Variants in ESYT2 observed in about 807,000 individuals in gnomAD.
ESYT2 encodes the protein extended synaptotagmin 2, also known as extended synaptotagmin-2.
Under a neutral mutation model 107.2 loss-of-function variants are expected in ESYT2, and 54 were observed. That is an observed-to-expected ratio of 0.50 (90% confidence interval 0.40 to 0.63). The LOEUF (loss-of-function observed/expected upper bound fraction) is 0.63. ESYT2 is among the 30% of genes least tolerant of loss of function. ESYT2 has a pLI of 0.00. For missense variants in ESYT2, 1,020 were observed against 1,094.5 expected, an observed-to-expected ratio of 0.93 and a Z score of 0.96; for synonymous variants, 491 against 434.1, an observed-to-expected ratio of 1.13 and a Z score of -1.63.
At chr7:158,775,827 T>C (rs1192076694) in intron 6 of ESYT2, among the ~76,000 whole-genome samples, 1 of 152,224 alleles carries the variant, frequency 6.6e-6, no homozygotes, top group Non-Finnish European at 1.5e-5. Context: ...TGGTGAATCC[T>C]TTCCGGAGGT....
intron 1 of ESYT2, among the ~76,000 whole-genome samples, chr7:158,825,030 T>C (rs560044587): frequency 1.0e-3 from 155 of 152,282 alleles, no homozygotes; most frequent in African/African-American, 3.2e-3. Context: ...CGGTGGTTCA[T>C]GCCTGTAATC....
At chr7:158,824,250 G>T (rs1006052848) in intron 1 of ESYT2, among the ~76,000 whole-genome samples, 2 of 152,142 alleles carry the variant, frequency 1.3e-5, no homozygotes, top group Non-Finnish European at 2.9e-5. Flanking sequence ...CTGCAGCTAC[G>T]ATGAGGACTC....
chr7:158,757,411 C>T (rs908760075), intron 13 of ESYT2, among the ~76,000 whole-genome samples: 1 of 152,130 alleles, frequency 6.6e-6, no homozygotes, highest in Non-Finnish European at 1.5e-5. Context: ...GTAGCCACAC[C>T]CAAAGTTTCC....
At chr7:158,756,150 C>T (rs1347391505) in intron 13 of ESYT2, among the ~76,000 whole-genome samples, 2 of 152,138 alleles carry the variant, frequency 1.3e-5, no homozygotes, top group Non-Finnish European at 2.9e-5. Flanking sequence ...AATGAAAACT[C>T]TACAAAAATG....
chr7:158,798,646 C>CAAAAAAAAA lies in ESYT2; in HGVS notation c.372+376_372+384dup, dbSNP rs57351086. 8.1e-3 allele frequency among the ~76,000 whole-genome samples: 406 copies of CAAAAAAAAA among 49,878 alleles called. 38 individuals carry two copies. The highest frequency in any genetic ancestry group is 0.011 in the Non-Finnish European group (346 of 30,524). 32.7% of individuals were successfully genotyped at this position (49,878 alleles called of 152,430 possible). ...GGGCAACAAGAGTGAAGCTCCGTCT[C>CAAAAAAAAA]AAAAAAAAAAAAAAAAAAAAAAAAA... On this transcript the variant is annotated intron_variant, in intron 2 of 22. Coordinates refer to ENST00000275418, the MANE Select transcript of ESYT2 (RefSeq NM_001367773.1).
intron 1 of ESYT2, among the ~76,000 whole-genome samples, chr7:158,802,871 C>T (rs963629297): frequency 1.1e-4 from 17 of 152,202 alleles, no homozygotes; most frequent in South Asian, 4.1e-4. Flanking sequence ...TGCCACTAAA[C>T]ATGAAATCAT....
At chr7:158,827,184 GA>G (rs1840483090) in intron 1 of ESYT2, among the ~76,000 whole-genome samples, 1 of 145,482 alleles carries the variant, frequency 6.9e-6, no homozygotes, top group Admixed American at 6.8e-5. Flanking sequence ...AAAAAGAAAA[GA>G]AAAAGAAAAT....
rs1384068768 is a variant in ESYT2, at chr7:158,743,468, T to C, written c.1794+61A>G. On this transcript the variant is annotated intron_variant, in intron 17 of 22. Coordinates refer to ENST00000275418, the MANE Select transcript of ESYT2 (RefSeq NM_001367773.1). Reference sequence around the variant, plus strand: ...CGGCCTCATGCCCGGGGCCCATGAGTATCCCTGCCAGCACCCGCCTCCCCA... The same window carrying C: ...CGGCCTCATGCCCGGGGCCCATGAGCATCCCTGCCAGCACCCGCCTCCCCA... 1.9e-6 allele frequency: 3 copies of C among 1,560,232 alleles called. No individual in the cohort carries two copies. In the African/African-American group the frequency reaches 4.2e-5, roughly 22 times the overall value.
At chr7:158,802,307 G>A (rs933512955) in intron 1 of ESYT2, among the ~76,000 whole-genome samples, 3 of 150,540 alleles carry the variant, frequency 2.0e-5, no homozygotes, top group Non-Finnish European at 3.0e-5. Flanking sequence ...TTTTTTTTGA[G>A]ATGGAGTCTA....
intron 21 of ESYT2, among the ~76,000 whole-genome samples, chr7:158,734,749 C>G (rs894599366): frequency 6.6e-6 from 1 of 152,256 alleles, no homozygotes; most frequent in Non-Finnish European, 1.5e-5. Context: ...GATCGCGCCA[C>G]TGGACTTCAG....
chr7:158,745,445 T>A (rs1051167003), intron 16 of ESYT2, among the ~76,000 whole-genome samples: 1 of 151,368 alleles, frequency 6.6e-6, no homozygotes, highest in Admixed American at 6.6e-5. Context: ...ATAAGTAGTC[T>A]GAGAACTAGT....
chr7:158,761,942 A>C (rs1402980981), intron 10 of ESYT2, among the ~76,000 whole-genome samples: 1 of 152,166 alleles, frequency 6.6e-6, no homozygotes, highest in Non-Finnish European at 1.5e-5. Context: ...CTTATTTTAT[A>C]CGTTCACTCA....
intron 10 of ESYT2, 51 bp from the exon 11 acceptor site, chr7:158,761,595 C>T: frequency 6.6e-7 from 1 of 1,505,872 alleles, no homozygotes; most frequent in Non-Finnish European, 9.2e-7. Context: ...ACATTTCTTA[C>T]TGAAACAACT....
At chr7:158,781,226 GGT>G (rs201459770) in intron 6 of ESYT2, among the ~76,000 whole-genome samples, 7 of 152,104 alleles carry the variant, frequency 4.6e-5, no homozygotes, top group African/African-American at 1.4e-4. Context: ...AACAGTGTGA[GGT>G]GTGTGTAAGA....
chr7:158,746,504 T>C (rs924229904), intron 16 of ESYT2, among the ~76,000 whole-genome samples: 72 of 143,194 alleles, frequency 5.0e-4, no homozygotes, highest in African/African-American at 1.7e-3. Flanking sequence ...AGTGAGACCC[T>C]GCCTCAAGAA....
chr7:158,743,281 C>T (rs376570857), intron 17 of ESYT2, among the ~76,000 whole-genome samples: 2 of 152,216 alleles, frequency 1.3e-5, no homozygotes, highest in African/African-American at 2.4e-5. Context: ...TTTGAGTAGC[C>T]GTGGGCCTGC....
chr7:158,761,401 T>C (rs1837954609), intron 11 of ESYT2, 95 bp downstream of exon 11: 1 of 1,015,390 alleles, frequency 9.8e-7, no homozygotes, highest in African/African-American at 1.6e-5. Flanking sequence ...ATTCCGGCAC[T>C]GTGTGATGGT....
At chr7:158,825,702 G>A (rs1238972056) in intron 1 of ESYT2, among the ~76,000 whole-genome samples, 4 of 152,188 alleles carry the variant, frequency 2.6e-5, no homozygotes, top group Non-Finnish European at 4.4e-5. Flanking sequence ...GGTGAGGTGA[G>A]GAAATTAGTA....
At chr7:158,747,605 G>A (rs967205817) in intron 16 of ESYT2, among the ~76,000 whole-genome samples, 2 of 152,126 alleles carry the variant, frequency 1.3e-5, no homozygotes, top group Non-Finnish European at 1.5e-5. Flanking sequence ...CATGCACTTC[G>A]GTGGGAATGT....
Sources: gnomAD v4.1 joint callset for allele counts (sites outside exome capture counted in the v4.1 genomes callset) on GRCh38, gnomAD v4.1.1 for gene constraint, MANE v1.5 for transcripts, NCBI Gene and HGNC (gene_info 2026-07-23, HGNC 2026-07-21) for gene names.